Variants in KALRN observed in about 807,000 individuals in gnomAD.
The protein encoded by KALRN is kalirin RhoGEF kinase.
A neutral mutation model predicts 353.7 loss-of-function variants in KALRN; 70 were observed. That is an observed-to-expected ratio of 0.20 (90% CI 0.16 to 0.24). The LOEUF is 0.24. Ranked by LOEUF, KALRN falls within the 10% of genes least tolerant of loss-of-function variation. The pLI is 1.00. For synonymous variants in KALRN, 1,391 were observed against 1,434.8 expected, an observed-to-expected ratio of 0.97 and a Z score of 0.69; for missense variants, 2,791 against 3,756.7, an observed-to-expected ratio of 0.74 and a Z score of 6.72.
At position 124,720,024 on chromosome 3, in the gene KALRN, G is replaced by C. The variant is rs1230640243; in HGVS notation, c.*554G>C. 6.6e-6 allele frequency: 1 copy of C among 152,548 alleles called. No homozygotes were observed. The highest frequency in any genetic ancestry group is 1.5e-5 in the Non-Finnish European group (1 of 68,144). The allele number at this position is 152,548 out of a possible 1,614,324, so 9.4% of individuals were successfully genotyped here. A position where few individuals can be genotyped will look rare whatever the true frequency, so the allele number is the denominator to read the frequency against. On this transcript the variant is annotated 3_prime_UTR_variant, in exon 60 of 60. Coordinates refer to ENST00000682506, the MANE Select transcript of KALRN (RefSeq NM_001388419.1). ...TTAAATCAATCACAAGTAATTTTGA[G>C]TGCTCCAGTTAAGACAGTAATTTAT...
At chr3:124,281,812 AG>A (rs1262170092) in intron 5 of KALRN, among the ~76,000 whole-genome samples, 2 of 152,246 alleles carry the variant, frequency 1.3e-5, no homozygotes, top group Non-Finnish European at 2.9e-5. Context: ...TGTGTTGACC[AG>A]AGATACTTAG....
chr3:124,163,785 A>T, intron 1 of KALRN: 1 of 985,446 alleles, frequency 1.0e-6, no homozygotes, highest in Non-Finnish European at 1.2e-6. Context: ...TTCTCCTTCC[A>T]AACTTCCCTG....
At chr3:124,583,553 T>A (rs1248668859) in intron 34 of KALRN, among the ~76,000 whole-genome samples, 2 of 152,194 alleles carry the variant, frequency 1.3e-5, no homozygotes, top group Non-Finnish European at 2.9e-5. Flanking sequence ...AAGTAAGATG[T>A]TCGAAGTTTC....
Position 124,350,745 on chromosome 3 carries a change from CTG to C in KALRN, c.1770+3482_1770+3483del, listed in dbSNP as rs555607905. 5.3e-5 allele frequency among the ~76,000 whole-genome samples: 8 copies of C among 152,266 alleles called. No individual in the cohort carries two copies. In the South Asian group the frequency reaches 1.2e-3, roughly 24 times the overall value. On this transcript the variant is annotated intron_variant, in intron 10 of 59. Transcript: ENST00000682506. ...TCCCTGACTCTGCTTTCTGATAAGA[CTG>C]TATTTTTTTTGAAAGAGAAGACAGA...
chr3:124,446,338 A>C, intron 20 of KALRN, 62 bp downstream of exon 20: 1 of 1,248,568 alleles, frequency 8.0e-7, no homozygotes, highest in Non-Finnish European at 1.2e-6. Context: ...GCCCATCACC[A>C]AGGCTTAGTC....
intron 10 of KALRN, among the ~76,000 whole-genome samples, chr3:124,366,589 C>T (rs1210293657): frequency 2.0e-5 from 3 of 150,564 alleles, no homozygotes; most frequent in Non-Finnish European, 4.4e-5. Flanking sequence ...AATGAAAAGT[C>T]TCCCATGTCT....
intron 12 of KALRN, among the ~76,000 whole-genome samples, chr3:124,398,036 G>C (rs2090381568): frequency 6.6e-6 from 1 of 152,230 alleles, no homozygotes; most frequent in Non-Finnish European, 1.5e-5. Flanking sequence ...CTGAGGCTCA[G>C]AGAGGTGATT....
At chr3:124,562,753 C>G in intron 33 of KALRN, 90 bp from the exon 34 acceptor site, 1 of 1,167,748 alleles carries the variant, frequency 8.6e-7, no homozygotes, top group Non-Finnish European at 1.1e-6. Context: ...CTCACACATC[C>G]TTCGTCCCCT....
intron 6 of KALRN, among the ~76,000 whole-genome samples, chr3:124,323,469 C>T (rs983761698): frequency 6.6e-6 from 1 of 152,160 alleles, no homozygotes; most frequent in Non-Finnish European, 1.5e-5. Flanking sequence ...CAACACAGAG[C>T]CTGGCCCACT....
intron 1 of KALRN, among the ~76,000 whole-genome samples, chr3:124,066,137 T>C (rs2042343912): frequency 6.6e-6 from 1 of 152,142 alleles, no homozygotes; most frequent in African/African-American, 2.4e-5. Context: ...TGGGAGAGCA[T>C]ATTAGACAAT....
rs779154924 is a variant in KALRN, at chr3:124,456,654, G to A, written c.3780G>A (p.Ser1260=). 4.3e-6 allele frequency: 7 copies of A among 1,613,178 alleles called. No individual in the cohort carries two copies. Among genetic ancestry groups the A allele is most frequent in the African/African-American group, 2.7e-5 (2 of 74,880 alleles). ...LELDIIPASL[S]DREVKLRDAN... ...TGGATATTATCCCAGCAAGCCTTTC[G>A]GATCGGGAGGTCAAGCTGCGGGACG... is the stretch of plus-strand genomic sequence containing the variant. Residue 1260 remains serine, a synonymous_variant, in exon 23 of 60, where the codon TCG becomes TCA. Coordinates refer to ENST00000682506, the MANE Select transcript of KALRN (RefSeq NM_001388419.1).
intron 14 of KALRN, among the ~76,000 whole-genome samples, chr3:124,420,162 AC>A (rs1229926464): frequency 2.0e-5 from 3 of 152,206 alleles, no homozygotes; most frequent in Non-Finnish European, 2.9e-5. Flanking sequence ...CTCACATAAA[AC>A]AACATCAAAT....
At chr3:124,384,667 C>T (rs2087922632) in intron 10 of KALRN, 178 bp from the exon 11 acceptor site, 3 of 529,118 alleles carry the variant, frequency 5.7e-6, no homozygotes, top group South Asian at 6.7e-5. Flanking sequence ...TGCCCGCCTG[C>T]AGGCTGCTCG....
chr3:124,476,461 T>C (rs1485821732), intron 26 of KALRN, among the ~76,000 whole-genome samples: 2 of 152,014 alleles, frequency 1.3e-5, no homozygotes, highest in Non-Finnish European at 2.9e-5. Context: ...AAATGAAACC[T>C]GCTGTAATAA....
chr3:124,512,422 C>T (rs971926676), intron 33 of KALRN, among the ~76,000 whole-genome samples: 5 of 152,098 alleles, frequency 3.3e-5, no homozygotes, highest in East Asian at 1.9e-4. Context: ...GAAGCTGAGG[C>T]GGGTGGATCA....
chr3:124,296,711 C>A (rs189139227), intron 5 of KALRN, among the ~76,000 whole-genome samples: 1 of 152,396 alleles, frequency 6.6e-6, no homozygotes, highest in African/African-American at 2.4e-5. Context: ...CCCAGCCACA[C>A]TTCCTCCTTG....
At chr3:124,472,095 T>C (rs777100204) in intron 25 of KALRN, among the ~76,000 whole-genome samples, 11 of 152,168 alleles carry the variant, frequency 7.2e-5, no homozygotes, top group Non-Finnish European at 8.8e-5. Flanking sequence ...CATCTTCCCA[T>C]AGGTTTTTGG....
At chr3:124,624,494 A>T (rs1330972029) in intron 34 of KALRN, among the ~76,000 whole-genome samples, 1 of 152,178 alleles carries the variant, frequency 6.6e-6, no homozygotes, top group Admixed American at 6.5e-5. Flanking sequence ...CCCTTCCCTC[A>T]TGGATAAGGG....
chr3:124,675,468 C>T (rs936765107), intron 49 of KALRN: 5 of 149,236 alleles, frequency 3.4e-5, no homozygotes, highest in Non-Finnish European at 5.9e-5. Flanking sequence ...TTTCACTATT[C>T]TTGGACTTTC....
Sources: allele counts gnomAD v4.1 joint callset (sites outside exome capture counted in the v4.1 genomes callset), GRCh38; gene constraint gnomAD v4.1.1; transcripts MANE v1.5; gene names NCBI Gene and HGNC (gene_info 2026-07-23, HGNC 2026-07-21).